The following CAPN7 variants were observed in gnomAD, a reference collection of about 807,000 sequenced individuals.
CAPN7 encodes calpain 7.
CAPN7 carries 72 observed loss-of-function variants against 115.2 expected under a neutral mutation model. That is an observed-to-expected ratio of 0.63 (90% CI 0.52 to 0.76). The LOEUF (loss-of-function observed/expected upper bound fraction) is 0.76. Among genes scored for constraint, CAPN7 ranks in the 30% least tolerant of loss-of-function variants. The probability of loss-of-function intolerance (pLI) is 0.00; values close to 1 mark genes in which losing one functional copy is unlikely to be tolerated. For synonymous variants in CAPN7, 344 were observed against 322.3 expected (o/e 1.07, Z -0.72); for missense variants, 905 against 971.5 (o/e 0.93, Z 0.91).
chr3:15,228,917 C>A (rs982996734), intron 7 of CAPN7, 57 bp from the exon 8 acceptor site: 2 of 1,265,598 alleles, frequency 1.6e-6, no homozygotes, highest in South Asian at 1.2e-5. Flanking sequence ...ACGTATATTG[C>A]GGTAATGTTG....
intron 17 of CAPN7, 186 bp from the exon 18 acceptor site, chr3:15,246,546 C>T: frequency 5.3e-6 from 3 of 567,226 alleles, no homozygotes; most frequent in Non-Finnish European, 9.3e-6. Context: ...CAGTTACTAG[C>T]AGAGAAAGCC....
At position 15,211,282 on chromosome 3, in the gene CAPN7, T is replaced by C. The variant is rs529202130; in HGVS notation, c.103-822T>C. Among the ~76,000 whole-genome samples the C allele has an allele frequency of 2.0e-5, 3 of 152,338 alleles. No individual in the cohort carries two copies. The East Asian group carries it at 5.8e-4, about 29-fold the overall frequency. On this transcript the variant is annotated intron_variant, in intron 1 of 20. Coordinates refer to ENST00000253693, the MANE Select transcript of CAPN7 (RefSeq NM_014296.3). ...GCTTTGAAGGCTCAATTCATATTTTTTTGCGTGTGAATTACTTGCAATCAG... is the reference window on the plus strand; with the variant it reads ...GCTTTGAAGGCTCAATTCATATTTTCTTGCGTGTGAATTACTTGCAATCAG...
In CAPN7 at chr3:15,226,166, C is replaced by T. The variant is rs888034646; in HGVS notation, c.726-1673C>T. 1.7e-4 allele frequency among the ~76,000 whole-genome samples: 26 copies of T among 152,232 alleles called. 1 individual carries two copies. The highest frequency in any genetic ancestry group is 7.4e-5 in the Non-Finnish European group (5 of 68,004). On this transcript the variant is annotated intron_variant, in intron 6 of 20. Coordinates refer to ENST00000253693, the MANE Select transcript of CAPN7 (RefSeq NM_014296.3). ...TCTCAGCTCACTGCAACCTCCGTCTCCCAGATTCAAGAGATTCTTCTGCCT... is the reference window on the plus strand; with the variant it reads ...TCTCAGCTCACTGCAACCTCCGTCTTCCAGATTCAAGAGATTCTTCTGCCT...
At chr3:15,229,778 G>T (rs1459632548) in intron 8 of CAPN7, among the ~76,000 whole-genome samples, 3 of 151,436 alleles carry the variant, frequency 2.0e-5, no homozygotes, top group African/African-American at 7.3e-5. Context: ...ATTTCTGTTG[G>T]CTTGAACTGC....
chr3:15,231,819 C>T (rs984396929), intron 9 of CAPN7, among the ~76,000 whole-genome samples: 3 of 152,162 alleles, frequency 2.0e-5, no homozygotes, highest in Non-Finnish European at 4.4e-5. Flanking sequence ...TGAGCCACCG[C>T]GCCCAGCCTC....
chr3:15,249,189 A>G (rs975730352), intron 19 of CAPN7, among the ~76,000 whole-genome samples: 58 of 152,140 alleles, frequency 3.8e-4, no homozygotes, highest in African/African-American at 1.4e-3. Flanking sequence ...AACCTCTACC[A>G]GTTTGATAGG....
In CAPN7 at chr3:15,238,114, T is replaced by C. The variant is rs1206353337; in HGVS notation, c.1408-2359T>C. ...GTTTATTTAATTCTGACTTCTTTTT[T>C]TTTTTTTTTTTTTTTTTTTGAGACA... On this transcript the variant is annotated intron_variant, in intron 12 of 20. Transcript: ENST00000253693. Among the ~76,000 whole-genome samples the C allele has an allele frequency of 5.6e-5, 7 of 124,870 alleles. 1 individual carries two copies. The South Asian group carries it at 8.8e-4, about 16-fold the overall frequency. 81.9% of individuals were successfully genotyped at this position (124,870 alleles called of 152,430 possible). A position where few individuals can be genotyped will look rare whatever the true frequency, so the allele number is the denominator to read the frequency against.
chr3:15,240,653 C>A, intron 13 of CAPN7, 36 bp downstream of exon 13: 1 of 1,560,748 alleles, frequency 6.4e-7, no homozygotes, highest in Non-Finnish European at 8.7e-7. Context: ...ACCATTTATT[C>A]TTCAAAAAAA....
chr3:15,246,835 G>GA lies in CAPN7; in HGVS notation c.2073+43dup, dbSNP rs1695692740. ...TGGTTGTAATCTCAGCATTCTTTTA[G>GA]AATTTTTAAATTCCCTTTCCCATTT... On this transcript the variant is annotated intron_variant, in intron 18 of 20. Transcript: ENST00000253693. The GA allele has an allele frequency of 3.6e-6, 5 of 1,397,618 alleles. No homozygotes were observed. The South Asian group carries it at 6.2e-5, about 17-fold the overall frequency. The allele number at this position is 1,397,618 out of a possible 1,614,324, so 86.6% of individuals were successfully genotyped here.
intron 11 of CAPN7, among the ~76,000 whole-genome samples, chr3:15,234,334 A>T (rs1694865742): frequency 6.6e-6 from 1 of 152,126 alleles, no homozygotes; most frequent in Non-Finnish European, 1.5e-5. Context: ...AATAAATAAA[A>T]ATTTAAAAAA....
At chr3:15,211,837 C>T (rs1349867944) in intron 1 of CAPN7, among the ~76,000 whole-genome samples, 3 of 152,064 alleles carry the variant, frequency 2.0e-5, no homozygotes, top group African/African-American at 4.8e-5. Context: ...TTGAGCTGAG[C>T]TGAGATCACA....
chr3:15,213,281 A>G (rs1361959195), intron 2 of CAPN7, among the ~76,000 whole-genome samples: 1 of 152,212 alleles, frequency 6.6e-6, no homozygotes, highest in East Asian at 1.9e-4. Flanking sequence ...GTTTACTTCC[A>G]TGATCTCCTT....
At position 15,224,993 on chromosome 3, in the gene CAPN7, C is replaced by G. The variant is rs188961050; in HGVS notation, c.725+1432C>G. Among the ~76,000 whole-genome samples the G allele has an allele frequency of 1.9e-3, 285 of 152,302 alleles. 2 individuals are homozygous for G. Among genetic ancestry groups the G allele is most frequent in the African/African-American group, 6.4e-3 (266 of 41,572 alleles). ...GGGAAAGATTCTAGAGCCAGACTTT[C>G]TGGTCTCAAACCTTGTGTAACACCG... is the stretch of plus-strand genomic sequence containing the variant. On this transcript the variant is annotated intron_variant, in intron 6 of 20. Transcript: ENST00000253693.
chr3:15,247,577 T>A (rs1436472345), intron 19 of CAPN7, 120 bp downstream of exon 19: 7 of 671,062 alleles, frequency 1.0e-5, no homozygotes, highest in Non-Finnish European at 1.7e-5. Flanking sequence ...ACAATGGCAT[T>A]ATAGTGGAGT....
chr3:15,223,190 T>A (rs1489638867), intron 5 of CAPN7, among the ~76,000 whole-genome samples: 1 of 152,224 alleles, frequency 6.6e-6, no homozygotes, highest in Non-Finnish European at 1.5e-5. Context: ...TAGAATTGGT[T>A]TTGTGTCTTG....
At chr3:15,249,056 C>T (rs1695850257) in intron 19 of CAPN7, among the ~76,000 whole-genome samples, 1 of 146,908 alleles carries the variant, frequency 6.8e-6, no homozygotes. Context: ...AACAGAACTA[C>T]CTTCTAAATA....
In CAPN7 at chr3:15,240,796, A is replaced by C. The variant is rs1407262185; in HGVS notation, c.1595A>C (p.Asp532Ala). The change falls in exon 14 of 21, where the codon GAT (aspartate) becomes GCT (alanine). Residue 532 changes from aspartate (D) to alanine (A), a missense_variant. Asp to Ala is a moderately radical substitution (Grantham distance 126). Transcript: ENST00000253693. ...ISWDDLCQYY[D>A]VIYLSWNPGL... ...TGGGATGATCTCTGCCAGTATTATG[A>C]TGTGATTTATTTGAGTTGGAATCCA... 6.2e-7 allele frequency: 1 copy of C among 1,613,168 alleles called. No homozygotes were observed.
In CAPN7 at chr3:15,240,770, C is replaced by T; in HGVS notation, c.1569C>T (p.Ser523=). Residue 523 remains serine (S), a synonymous_variant, in exon 14 of 21, where the codon TCC becomes TCT. Coordinates refer to ENST00000253693, the MANE Select transcript of CAPN7 (RefSeq NM_014296.3). ...AATTTTCAGGAATATTTTGGATTTC[C>T]TGGGATGATCTCTGCCAGTATTATG... is the stretch of plus-strand genomic sequence containing the variant. ...QKIDNGIFWI[S]WDDLCQYYDV... The T allele has an allele frequency of 6.2e-7, 1 of 1,608,302 alleles. No homozygotes were observed. Among genetic ancestry groups the T allele is most frequent in the Non-Finnish European group, 8.5e-7 (1 of 1,177,282 alleles).
chr3:15,242,349 TAG>T, intron 16 of CAPN7, 96 bp downstream of exon 16: 2 of 736,034 alleles, frequency 2.7e-6, no homozygotes, highest in Non-Finnish European at 4.3e-6. Context: ...GTAGATAATA[TAG>T]AGAAATAATT....
Sources: gnomAD v4.1 joint callset for allele counts (sites outside exome capture counted in the v4.1 genomes callset) on GRCh38, gnomAD v4.1.1 for gene constraint, MANE v1.5 for transcripts, NCBI Gene and HGNC (gene_info 2026-07-23, HGNC 2026-07-21) for gene names.